The following MAMDC2 variants were observed in gnomAD, a reference collection of about 807,000 sequenced individuals.
MAMDC2 encodes MAM domain-containing protein 2.
In MAMDC2, 57 loss-of-function variants were observed where a neutral mutation model predicts 89.8. The ratio of observed to expected loss-of-function variants is 0.63; its 90% CI spans 0.51 to 0.79. The LOEUF (loss-of-function observed/expected upper bound fraction) is 0.79. MAMDC2 is among the 30% of genes least tolerant of loss of function. The pLI is 0.00. For synonymous variants in MAMDC2, 313 were observed against 293.4 expected (o/e 1.07, Z -0.68); for missense variants, 800 against 820.6 (o/e 0.97, Z 0.31).
chr9:70,078,395 C>A (rs568914371), intron 2 of MAMDC2, among the ~76,000 whole-genome samples: 1 of 152,168 alleles, frequency 6.6e-6, no homozygotes, highest in Non-Finnish European at 1.5e-5. Flanking sequence ...ATAATTTAAA[C>A]GTTTCACAAG....
chr9:70,200,312 C>A (rs1054497281), intron 11 of MAMDC2, among the ~76,000 whole-genome samples: 1 of 147,632 alleles, frequency 6.8e-6, no homozygotes, highest in African/African-American at 2.5e-5. Context: ...ATAGGGAATC[C>A]TTTCCCCATT....
chr9:70,132,868 C>G (rs2030863050), intron 7 of MAMDC2, among the ~76,000 whole-genome samples: 1 of 152,120 alleles, frequency 6.6e-6, no homozygotes, highest in Non-Finnish European at 1.5e-5. Context: ...CAAAACTAGA[C>G]AGCAATCTAC....
At chr9:70,174,479 A>T (rs2032438004) in intron 11 of MAMDC2, among the ~76,000 whole-genome samples, 1 of 152,172 alleles carries the variant, frequency 6.6e-6, no homozygotes, top group Admixed American at 6.5e-5. Context: ...AGCCCATTGG[A>T]AGGTAGCCTT....
At chr9:70,128,654 G>GA (rs142736907) in intron 6 of MAMDC2, among the ~76,000 whole-genome samples, 128 of 145,084 alleles carry the variant, frequency 8.8e-4, no homozygotes, top group Admixed American at 1.2e-3. Context: ...TCAACCTGCA[G>GA]AAAAAAAAAA....
intron 12 of MAMDC2, among the ~76,000 whole-genome samples, chr9:70,221,711 C>T (rs1348459190): frequency 6.6e-6 from 1 of 151,652 alleles, no homozygotes. Context: ...AGTTAATCAT[C>T]CCACATTTTG....
At chr9:70,206,202 C>T (rs1563999082) in intron 11 of MAMDC2, among the ~76,000 whole-genome samples, 1 of 152,122 alleles carries the variant, frequency 6.6e-6, no homozygotes, top group East Asian at 1.9e-4. Context: ...CAATGGCAGT[C>T]TGAAAATATT....
chr9:70,070,031 G>A (rs772973717), intron 2 of MAMDC2, among the ~76,000 whole-genome samples: 1 of 152,174 alleles, frequency 6.6e-6, no homozygotes, highest in African/African-American at 2.4e-5. Flanking sequence ...TGGAAATAGC[G>A]TAGGGTGAGT....
chr9:70,209,300 A>G (rs933335249), intron 11 of MAMDC2, among the ~76,000 whole-genome samples: 6 of 152,146 alleles, frequency 3.9e-5, no homozygotes, highest in African/African-American at 1.4e-4. Context: ...TATTGCCTCA[A>G]TTTCAGAGTC....
rs557968518 is a variant in MAMDC2, at chr9:70,208,837, T to C, written c.1652-9500T>C. Among the ~76,000 whole-genome samples the C allele has an allele frequency of 9.2e-5, 14 of 152,356 alleles. No homozygotes were observed. In the South Asian group the frequency reaches 2.9e-3, roughly 32 times the overall value. The stretch of plus-strand genomic sequence containing the variant: ...CCTAGTTTATTAAGAATTTTTAGCA[T>C]GAAGGGCTGCTGAATTTTGTCAAAG... On this transcript the variant is annotated intron_variant, in intron 11 of 13. Coordinates refer to ENST00000377182, the MANE Select transcript of MAMDC2 (RefSeq NM_153267.5).
chr9:70,179,787 A>AC (rs1396489005), intron 11 of MAMDC2, among the ~76,000 whole-genome samples: 3 of 101,462 alleles, frequency 3.0e-5, no homozygotes, highest in African/African-American at 1.0e-4. Flanking sequence ...TTTTCTAGCA[A>AC]AAAAAAAATA....
intron 11 of MAMDC2, among the ~76,000 whole-genome samples, chr9:70,210,749 G>A (rs1208623677): frequency 6.6e-6 from 1 of 152,172 alleles, no homozygotes; most frequent in Non-Finnish European, 1.5e-5. Flanking sequence ...AATTTGGCAT[G>A]TTTTTGCAGT....
At chr9:70,125,119 C>A (rs1432424904) in intron 5 of MAMDC2, among the ~76,000 whole-genome samples, 1 of 152,208 alleles carries the variant, frequency 6.6e-6, no homozygotes, top group African/African-American at 2.4e-5. Context: ...CATTGAATAG[C>A]ACTTCTTTGT....
intron 9 of MAMDC2, among the ~76,000 whole-genome samples, chr9:70,144,697 A>C (rs559769425): frequency 6.6e-6 from 1 of 152,362 alleles, no homozygotes; most frequent in South Asian, 2.1e-4. Flanking sequence ...GGAAGGAATG[A>C]ATGAATGAGT....
At chr9:70,214,679 C>T (rs1338288838) in intron 11 of MAMDC2, among the ~76,000 whole-genome samples, 1 of 152,166 alleles carries the variant, frequency 6.6e-6, no homozygotes, top group East Asian at 1.9e-4. Flanking sequence ...TTGCATTAAT[C>T]CAAGCGAGAA....
At chr9:70,193,634 G>A (rs1488348562) in intron 11 of MAMDC2, among the ~76,000 whole-genome samples, 2 of 152,064 alleles carry the variant, frequency 1.3e-5, no homozygotes, top group Admixed American at 6.6e-5. Context: ...AAGTAATACT[G>A]GGATACCAAA....
chr9:70,126,399 C>T lies in MAMDC2; in HGVS notation c.884C>T (p.Ala295Val), dbSNP rs746728581. ...AWNLAEVEFS[A>V]PYPMEVIFEV... The stretch of plus-strand genomic sequence containing the variant: ...AACCTTGCGGAGGTCGAGTTCAGTG[C>T]TCCTTACCCCATGGAGGTAGGTGTA... Residue 295 changes from alanine to valine, a missense_variant, in exon 6 of 14, where the codon GCT becomes GTT. By Grantham distance (64) the Ala-to-Val change is moderately conservative. Coordinates refer to ENST00000377182, the MANE Select transcript of MAMDC2 (RefSeq NM_153267.5). 1.5e-5 allele frequency: 24 copies of T among 1,613,098 alleles called. No homozygotes were observed. The highest frequency in any genetic ancestry group is 1.9e-5 in the Non-Finnish European group (22 of 1,179,784).
intron 2 of MAMDC2, among the ~76,000 whole-genome samples, chr9:70,084,111 A>C (rs898116082): frequency 6.6e-6 from 1 of 152,116 alleles, no homozygotes; most frequent in Admixed American, 6.6e-5. Context: ...ATATGTTGGA[A>C]TCTTCTTCTG....
intron 2 of MAMDC2, among the ~76,000 whole-genome samples, chr9:70,097,647 C>CAGTATCT (rs1389518323): frequency 6.6e-6 from 1 of 152,156 alleles, no homozygotes; most frequent in African/African-American, 2.4e-5. Context: ...AATAGGATGA[C>CAGTATCT]AGTATCTAGT....
chr9:70,126,192 A>G lies in MAMDC2; in HGVS notation c.677A>G (p.Lys226Arg). Residue 226 changes from lysine (K) to arginine (R), a missense_variant, in exon 6 of 14, where the codon AAG becomes AGG. Lys to Arg is a conservative substitution (Grantham distance 26, BLOSUM62 2). Coordinates refer to ENST00000377182, the MANE Select transcript of MAMDC2 (RefSeq NM_153267.5). ...HYMYVDSVYVKHFQEVAQLIS... is the reference protein window; with the variant it reads ...HYMYVDSVYVRHFQEVAQLIS... ...ATGTACGTGGACTCAGTTTATGTGA[A>G]GCACTTCCAGGAGGTGGCACAGCTC... 2 of 1,613,966 alleles carry G rather than the reference A, an allele frequency of 1.2e-6. No homozygotes were observed. Among genetic ancestry groups the G allele is most frequent in the Non-Finnish European group, 1.7e-6 (2 of 1,179,958 alleles).
Sources: gnomAD v4.1 joint callset for allele counts (sites outside exome capture counted in the v4.1 genomes callset) on GRCh38, gnomAD v4.1.1 for gene constraint, MANE v1.5 for transcripts, NCBI Gene and HGNC (gene_info 2026-07-23, HGNC 2026-07-21) for gene names.